Variants in DEFB127 observed in about 807,000 individuals in gnomAD.
The protein encoded by DEFB127 is defensin beta 127.
Under a neutral mutation model 2.4 loss-of-function variants are expected in DEFB127, and 2 were observed. The ratio of observed to expected loss-of-function variants is 0.82; its 90% confidence interval spans 0.34 to 2.58. DEFB127 has a LOEUF of 2.58. Ranked by LOEUF, DEFB127 falls within the 30% of genes most tolerant of loss-of-function variation. The pLI, the probability that DEFB127 is intolerant of heterozygous loss-of-function variation, is 0.11. For missense variants in DEFB127, 110 were observed against 113.2 expected (o/e 0.97, Z 0.13); for synonymous variants, 37 against 39.8 (o/e 0.93, Z 0.26).
In DEFB127 at chr20:158,663, T is replaced by C. The variant is rs539575193; in HGVS notation, c.50-111T>C. On this transcript the variant is annotated intron_variant, in intron 1 of 1. Transcript: ENST00000382388. ...CTTCAGAATATATGAGGGTCTGCCT[T>C]GTGGATACCCCATACCCCTAATTCC... is the stretch of plus-strand genomic sequence containing the variant. 3 of 1,091,318 alleles carry C rather than the reference T, an allele frequency of 2.7e-6. No homozygotes were observed. In the African/African-American group the frequency reaches 4.7e-5, roughly 17 times the overall value. The allele number at this position is 1,091,318 out of a possible 1,614,324, so 67.6% of individuals were successfully genotyped here.
chr20:157,931 A>ATGTG (rs1190932870), intron 1 of DEFB127, among the ~76,000 whole-genome samples: 2,611 of 21,076 alleles, frequency 0.12, 36 homozygotes, highest in South Asian at 0.45. Flanking sequence ...AAATATATAT[A>ATGTG]TGTGTGTGTG....
intron 1 of DEFB127, among the ~76,000 whole-genome samples, chr20:158,396 G>A (rs2054711527): frequency 6.6e-6 from 1 of 152,264 alleles, no homozygotes; most frequent in Non-Finnish European, 1.5e-5. Flanking sequence ...CATCAGAGGA[G>A]GTGCAGTAGA....
intron 1 of DEFB127, among the ~76,000 whole-genome samples, chr20:157,931 ATGTGTGTGTGTG>A (rs1190932870): frequency 4.7e-5 from 1 of 21,116 alleles, no homozygotes; most frequent in African/African-American, 6.2e-5. Context: ...AAATATATAT[ATGTGTGTGTGTG>A]TGTGTGTGTG....
intron 1 of DEFB127, 73 bp downstream of exon 1, chr20:157,666 A>G: frequency 3.3e-6 from 5 of 1,536,066 alleles, no homozygotes; most frequent in Non-Finnish European, 4.5e-6. Context: ...GGAACTTCAT[A>G]ATCCACACTA....
Position 159,004 on chromosome 20 carries a change from C to G in DEFB127, c.280C>G (p.Leu94Val). The change falls in exon 2 of 2, where the codon CTG becomes GTG. Residue 94 changes from leucine (L) to valine (V), a missense_variant. Physicochemically the swap from Leu to Val is conservative, Grantham distance 32 (BLOSUM62 1). Transcript: ENST00000382388. The part of the protein sequence containing the change: ...YVTIIENFPS[L>V]KTQST ...TACAATAATAGAAAATTTCCCAAGCCTGAAGACACAGTCTACATAAATCAA... is the reference window on the plus strand; with the variant it reads ...TACAATAATAGAAAATTTCCCAAGCGTGAAGACACAGTCTACATAAATCAA... 6.2e-7 allele frequency: 1 copy of G among 1,610,332 alleles called. No homozygotes were observed. Among genetic ancestry groups the G allele is most frequent in the East Asian group, 2.2e-5 (1 of 44,868 alleles).
At chr20:157,974 G>A (rs6086289) in intron 1 of DEFB127, among the ~76,000 whole-genome samples, 44,406 of 151,104 alleles carry the variant, frequency 0.29, 7,915 homozygotes, top group East Asian at 0.52. Flanking sequence ...CATGAATAGA[G>A]GAAGAAGCAA....
At chr20:157,724 C>A in intron 1 of DEFB127, 131 bp downstream of exon 1, 1 of 949,046 alleles carries the variant, frequency 1.1e-6, no homozygotes, top group Non-Finnish European at 1.6e-6. Context: ...CCAACATCAT[C>A]AGAAATTTCC....
intron 1 of DEFB127, 33 bp downstream of exon 1, chr20:157,626 A>G: frequency 6.2e-7 from 1 of 1,612,842 alleles, no homozygotes; most frequent in South Asian, 1.1e-5. Context: ...TCAAATCAAC[A>G]GTGGGATGGA....
chr20:157,620 A>G, intron 1 of DEFB127, 27 bp downstream of exon 1: 1 of 1,613,464 alleles, frequency 6.2e-7, no homozygotes, highest in East Asian at 2.2e-5. Context: ...GCTCACTCAA[A>G]TCAACAGTGG....
chr20:158,649 A>T, intron 1 of DEFB127, 125 bp from the exon 2 acceptor site: 1 of 916,674 alleles, frequency 1.1e-6, no homozygotes, highest in Middle Eastern at 3.4e-4. Flanking sequence ...TTCAGAATAT[A>T]TGAGGGTCTG....
intron 1 of DEFB127, 152 bp from the exon 2 acceptor site, chr20:158,622 C>T: frequency 1.3e-6 from 1 of 753,226 alleles, no homozygotes; most frequent in Non-Finnish European, 2.1e-6. Context: ...TGAGGTTGAC[C>T]TTGTCGGAAA....
Position 157,507 on chromosome 20 carries a change from C to T in DEFB127, c.-38C>T, listed in dbSNP as rs2298109. The T allele has an allele frequency of 0.35, 570,326 of 1,609,102 alleles. 105,147 individuals are homozygous for T. Among genetic ancestry groups the T allele is most frequent in the East Asian group, 0.5 (22,319 of 44,748 alleles). On this transcript the variant is annotated 5_prime_UTR_variant, in exon 1 of 2. Transcript: ENST00000382388. ...TAGCATAGTGTGCAGTTCACTGGAC[C>T]AAAAGCTTTGGCTGCACCTCTTCTG...
Position 157,467 on chromosome 20 carries a change from A to T in DEFB127, c.-78A>T. The T allele has an allele frequency of 6.7e-7, 1 of 1,489,246 alleles. No homozygotes were observed. The allele number at this position is 1,489,246 out of a possible 1,614,324, so 92.3% of individuals were successfully genotyped here. On this transcript the variant is annotated 5_prime_UTR_variant, in exon 1 of 2. In the 5' UTR this introduces an upstream ATG that the reference lacks. Transcript: ENST00000382388. Reference sequence around the variant, plus strand: ...TTCTGGTTCAGTGCATAAGAATCTAAGTCTCTGAGGAAGGTAGCATAGTGT... The same window carrying T: ...TTCTGGTTCAGTGCATAAGAATCTATGTCTCTGAGGAAGGTAGCATAGTGT...
intron 1 of DEFB127, 106 bp downstream of exon 1, chr20:157,699 A>T: frequency 7.9e-7 from 1 of 1,261,650 alleles, no homozygotes; most frequent in Non-Finnish European, 1.1e-6. Context: ...GCCCCCAAAG[A>T]TGGCTAAAGT....
Position 157,472 on chromosome 20 carries a change from C to G in DEFB127, c.-73C>G. ...GTTCAGTGCATAAGAATCTAAGTCT[C>G]TGAGGAAGGTAGCATAGTGTGCAGT... On this transcript the variant is annotated 5_prime_UTR_variant, in exon 1 of 2. Transcript: ENST00000382388. The G allele has an allele frequency of 6.6e-7, 1 of 1,522,674 alleles. No individual in the cohort carries two copies. 94.3% of individuals were successfully genotyped at this position (1,522,674 alleles called of 1,614,324 possible). A position where few individuals can be genotyped will look rare whatever the true frequency, so the allele number is the denominator to read the frequency against.
At position 157,526 on chromosome 20, in the gene DEFB127, T is replaced by G. The variant is rs1307335593; in HGVS notation, c.-19T>G. The G allele has an allele frequency of 2.5e-6, 4 of 1,583,512 alleles. No individual in the cohort carries two copies. The highest frequency in any genetic ancestry group is 2.8e-5 in the African/African-American group (2 of 71,714). The stretch of plus-strand genomic sequence containing the variant: ...CTGGACCAAAAGCTTTGGCTGCACC[T>G]CTTCTGGAAAGCCTGGCCATGGGGC... On this transcript the variant is annotated 5_prime_UTR_variant, in exon 1 of 2. Coordinates refer to ENST00000382388, the MANE Select transcript of DEFB127 (RefSeq NM_139074.4).
At position 158,779 on chromosome 20, in the gene DEFB127, G is replaced by T. The variant is rs377550443; in HGVS notation, c.55G>T (p.Glu19Ter). 23 of 1,609,742 alleles carry T rather than the reference G, an allele frequency of 1.4e-5. No individual in the cohort carries two copies. In the African/African-American group the frequency reaches 2.5e-4, roughly 18 times the overall value. ...ILLFQKPTVT[E>*]QLKKCWNNYV... ...TTGCTCCTTTCTGTGTATAGTAACC[G>T]AACAACTTAAGAAGTGCTGGAATAA... Residue 19 changes from glutamate (E) to a stop codon, truncating the protein, a stop_gained, in exon 2 of 2, where the codon GAA becomes TAA. Coordinates refer to ENST00000382388, the MANE Select transcript of DEFB127 (RefSeq NM_139074.4). LOFTEE classifies it low-confidence loss of function (END_TRUNC).
chr20:157,497 T>C lies in DEFB127; in HGVS notation c.-48T>C, dbSNP rs2054706858. 6.2e-7 allele frequency: 1 copy of C among 1,607,562 alleles called. No individual in the cohort carries two copies. The highest frequency in any genetic ancestry group is 8.5e-7 in the Non-Finnish European group (1 of 1,174,668). On this transcript the variant is annotated 5_prime_UTR_variant, in exon 1 of 2. Transcript: ENST00000382388. ...CTGAGGAAGGTAGCATAGTGTGCAG[T>C]TCACTGGACCAAAAGCTTTGGCTGC...
chr20:157,693 C>G, intron 1 of DEFB127, 100 bp downstream of exon 1: 1 of 1,293,186 alleles, frequency 7.7e-7, no homozygotes. Context: ...AATAGAGCCC[C>G]CAAAGATGGC....
Sources: gnomAD v4.1 joint callset for allele counts (sites outside exome capture counted in the v4.1 genomes callset) on GRCh38, gnomAD v4.1.1 for gene constraint, MANE v1.5 for transcripts, NCBI Gene and HGNC (gene_info 2026-07-23, HGNC 2026-07-21) for gene names.